DZIP1: variants seen among roughly 807,000 people sequenced by gnomAD.
The protein encoded by DZIP1 is DAZ interacting zinc finger protein 1.
Under a neutral mutation model 107.6 loss-of-function variants are expected in DZIP1, and 97 were observed. The ratio of observed to expected loss-of-function variants is 0.90; its 90% confidence interval spans 0.77 to 1.07. DZIP1 has a LOEUF of 1.07. Ranked by LOEUF, DZIP1 falls within the 50% of genes least tolerant of loss-of-function variation. The pLI is 0.00. For missense variants in DZIP1, 1,035 were observed against 1,063.6 expected, an observed-to-expected ratio of 0.97 and a Z score of 0.37; for synonymous variants, 390 against 386.4, an observed-to-expected ratio of 1.01 and a Z score of -0.11.
chr13:95,631,666 A>G (rs1877212425), intron 6 of DZIP1, among the ~76,000 whole-genome samples: 1 of 151,932 alleles, frequency 6.6e-6, no homozygotes, highest in South Asian at 2.1e-4. Context: ...CATACCATCT[A>G]TATTGTCGGT....
intron 10 of DZIP1, among the ~76,000 whole-genome samples, chr13:95,614,318 A>G (rs1211862078): frequency 1.3e-5 from 2 of 152,250 alleles, no homozygotes; most frequent in East Asian, 3.9e-4. Context: ...GGCATTGTCA[A>G]GAGCTTTCAC....
At chr13:95,588,660 A>G (rs1039101190) in intron 19 of DZIP1, among the ~76,000 whole-genome samples, 3 of 152,228 alleles carry the variant, frequency 2.0e-5, no homozygotes, top group Non-Finnish European at 4.4e-5. Context: ...GGCTTAAAAC[A>G]GTAATCAACT....
At position 95,605,385 on chromosome 13, in the gene DZIP1, A is replaced by T. The variant is rs1566382438; in HGVS notation, c.1477+618T>A. ...AGAACATACTATAAAAACTGTAAGC[A>T]CTTTAACTGTATAAAAAGTGAAATA... is the stretch of plus-strand genomic sequence containing the variant. On this transcript the variant is annotated intron_variant, in intron 14 of 22. Transcript: ENST00000376829. Among the ~76,000 whole-genome samples, 7 of 152,238 alleles carry T rather than the reference A, an allele frequency of 4.6e-5. No individual in the cohort carries two copies. The South Asian group carries it at 1.4e-3, about 31-fold the overall frequency.
At chr13:95,595,020 T>C in intron 15 of DZIP1, among the ~76,000 whole-genome samples, 1 of 152,328 alleles carries the variant, frequency 6.6e-6, no homozygotes, top group East Asian at 1.9e-4. Context: ...TTACTGACTG[T>C]CAAAAGCCTG....
chr13:95,627,539 C>T (rs1876689091), intron 7 of DZIP1, among the ~76,000 whole-genome samples: 1 of 152,150 alleles, frequency 6.6e-6, no homozygotes, highest in South Asian at 2.1e-4. Context: ...AAGAGATGTT[C>T]AATATCATTG....
intron 15 of DZIP1, among the ~76,000 whole-genome samples, 197 bp from the exon 16 acceptor site, chr13:95,594,283 G>C (rs1051290799): frequency 1.3e-5 from 2 of 152,072 alleles, no homozygotes; most frequent in African/African-American, 4.8e-5. Flanking sequence ...TTTTATGTCG[G>C]CTTCAAAACT....
rs1421812529 is a variant in DZIP1 at position 95,643,264 on chromosome 13, T to C, written c.-427-7A>G. On this transcript the variant is annotated splice_region_variant and splice_polypyrimidine_tract_variant and intron_variant, in intron 2 of 22. Transcript: ENST00000376829. ...AGGAATTTTTTTTTCTTTCCTAACA[T>C]CCAAATATGTGAACAGAAGAAAGGA... 1.3e-5 allele frequency: 2 copies of C among 151,850 alleles called. No homozygotes were observed. The highest frequency in any genetic ancestry group is 4.2e-4 in the South Asian group (2 of 4,810). 9.4% of individuals were successfully genotyped at this position (151,850 alleles called of 1,614,324 possible).
chr13:95,622,705 G>A lies in DZIP1; in HGVS notation c.973-225C>T, dbSNP rs573873821. ...AGAATATGTACAGGGTGAAAAAAGG[G>A]GAAGGAAAATCTAACTTTCTAATCT... On this transcript the variant is annotated intron_variant, in intron 8 of 22. Coordinates refer to ENST00000376829, the MANE Select transcript of DZIP1 (RefSeq NM_198968.4). Among the ~76,000 whole-genome samples the A allele has an allele frequency of 3.9e-5, 6 of 151,958 alleles. No homozygotes were observed. The South Asian group carries it at 1.0e-3, about 26-fold the overall frequency.
rs188147354 is a variant in DZIP1, at chr13:95,635,346, G to A, written c.598-2025C>T. 1.5e-3 allele frequency among the ~76,000 whole-genome samples: 234 copies of A among 151,836 alleles called. 1 individual carries two copies. The highest frequency in any genetic ancestry group is 6.8e-3 in the Middle Eastern group (2 of 294). ...TGAGTAGCTGAGATTACAGGTGCCC[G>A]CCACCACTCCCAGCTAATTTTTGTA... is the stretch of plus-strand genomic sequence containing the variant. On this transcript the variant is annotated intron_variant, in intron 5 of 22. Coordinates refer to ENST00000376829, the MANE Select transcript of DZIP1 (RefSeq NM_198968.4).
intron 10 of DZIP1, chr13:95,618,077 T>C (rs1010394050): frequency 1.2e-5 from 6 of 515,708 alleles, no homozygotes; most frequent in Non-Finnish European, 2.3e-5. Flanking sequence ...CTCAGAAGAG[T>C]TGTTTAGGCT....
At position 95,596,765 on chromosome 13, in the gene DZIP1, C is replaced by T. The variant is rs370718072; in HGVS notation, c.1537+2600G>A. Among the ~76,000 whole-genome samples, 5 of 152,320 alleles carry T rather than the reference C, an allele frequency of 3.3e-5. No homozygotes were observed. The East Asian group carries it at 5.8e-4, about 18-fold the overall frequency. Reference sequence around the variant, plus strand: ...TATGCCTTTGCTCAAAAAGCAGGTACACAGAAATATGCATGAATTACTTCT... The same window carrying T: ...TATGCCTTTGCTCAAAAAGCAGGTATACAGAAATATGCATGAATTACTTCT... On this transcript the variant is annotated intron_variant, in intron 15 of 22. Transcript: ENST00000376829.
At position 95,605,192 on chromosome 13, in the gene DZIP1, C is replaced by A. The variant is rs1324910354; in HGVS notation, c.1477+811G>T. Reference sequence around the variant, plus strand: ...AGACAAAAAGTGCCACCATACTGACCAGTTAGATCATGGATTTAAGTGTAA... The same window carrying A: ...AGACAAAAAGTGCCACCATACTGACAAGTTAGATCATGGATTTAAGTGTAA... On this transcript the variant is annotated intron_variant, in intron 14 of 22. Transcript: ENST00000376829. Among the ~76,000 whole-genome samples the A allele has an allele frequency of 4.6e-5, 7 of 152,220 alleles. No individual in the cohort carries two copies. The East Asian group carries it at 1.2e-3, about 25-fold the overall frequency.
chr13:95,643,165 A>G lies in DZIP1; in HGVS notation c.-335T>C, dbSNP rs1029790583. On this transcript the variant is annotated 5_prime_UTR_variant, in exon 3 of 23. Transcript: ENST00000376829. ...CTTCTGGGGGCCTCCAGTGGTTACC[A>G]CAGAGATCAATAAGCTGAGGAAAAG... The G allele has an allele frequency of 3.9e-5, 6 of 152,186 alleles. No homozygotes were observed. The highest frequency in any genetic ancestry group is 1.4e-4 in the African/African-American group (6 of 41,434). The allele number at this position is 152,186 out of a possible 1,614,324, so 9.4% of individuals were successfully genotyped here.
At chr13:95,602,878 A>G (rs1363096925) in intron 14 of DZIP1, among the ~76,000 whole-genome samples, 1 of 152,200 alleles carries the variant, frequency 6.6e-6, no homozygotes, top group Non-Finnish European at 1.5e-5. Flanking sequence ...CTTTCTTTCC[A>G]TCAAGAGACA....
At chr13:95,602,029 C>T (rs1247842028) in intron 14 of DZIP1, among the ~76,000 whole-genome samples, 1 of 152,054 alleles carries the variant, frequency 6.6e-6, no homozygotes, top group African/African-American at 2.4e-5. Flanking sequence ...CTGGTCAGGC[C>T]AAGCCTCCCA....
At position 95,624,777 on chromosome 13, in the gene DZIP1, T is replaced by A; in HGVS notation, c.963A>T (p.Ala321=). The A allele has an allele frequency of 1.3e-6, 2 of 1,597,784 alleles. No individual in the cohort carries two copies. Among genetic ancestry groups the A allele is most frequent in the Middle Eastern group, 1.7e-4 (1 of 6,024 alleles). Residue 321 remains alanine, a synonymous_variant, in exon 8 of 23, where the codon GCA becomes GCT. Coordinates refer to ENST00000376829, the MANE Select transcript of DZIP1 (RefSeq NM_198968.4). ...TAGGTTTAATACTTACATATTCTAATGCTGAATTCTTCGAAGTTAATTCTT... is the reference window on the plus strand; with the variant it reads ...TAGGTTTAATACTTACATATTCTAAAGCTGAATTCTTCGAAGTTAATTCTT... ...EFKELTSKNS[A]LEYQLSEIQK...
intron 9 of DZIP1, 78 bp from the exon 10 acceptor site, chr13:95,620,025 G>T (rs1431767992): frequency 1.4e-6 from 2 of 1,465,178 alleles, no homozygotes; most frequent in Non-Finnish European, 1.9e-6. Flanking sequence ...CCTTTTTAGT[G>T]AATACCTATG....
chr13:95,587,966 G>T, intron 19 of DZIP1: 1 of 446,586 alleles, frequency 2.2e-6, no homozygotes, highest in Middle Eastern at 5.9e-4. Context: ...AAAATGGGCT[G>T]AAGCCGGGGC....
chr13:95,635,764 A>C (rs765515966), intron 5 of DZIP1, among the ~76,000 whole-genome samples: 1 of 152,216 alleles, frequency 6.6e-6, no homozygotes, highest in African/African-American at 2.4e-5. Flanking sequence ...TAACAGAGAC[A>C]GAGACCATCC....
Sources: allele counts gnomAD v4.1 joint callset (sites outside exome capture counted in the v4.1 genomes callset), GRCh38; gene constraint gnomAD v4.1.1; transcripts MANE v1.5; gene names NCBI Gene and HGNC (gene_info 2026-07-23, HGNC 2026-07-21).